The following LAMA2 variants were observed in gnomAD, a reference collection of about 807,000 sequenced individuals.
The protein encoded by LAMA2 is laminin subunit alpha 2.
LAMA2 carries 269 observed loss-of-function variants against 364.8 expected under a neutral mutation model. The ratio of observed to expected loss-of-function variants is 0.74; its 90% CI spans 0.67 to 0.82. The LOEUF (loss-of-function observed/expected upper bound fraction) is 0.82. LAMA2 is among the 40% of genes least tolerant of loss of function. The probability of loss-of-function intolerance (pLI) is 0.00; values close to 1 mark genes in which losing one functional copy is unlikely to be tolerated. For missense variants in LAMA2, 3,807 were observed against 3,873.2 expected (o/e 0.98, Z 0.45); for synonymous variants, 1,379 against 1,370.6 (o/e 1.01, Z -0.14).
chr6:128,977,163 C>A (rs903837423), intron 1 of LAMA2, among the ~76,000 whole-genome samples: 1 of 151,646 alleles, frequency 6.6e-6, no homozygotes, highest in Non-Finnish European at 1.5e-5. Context: ...TCTTTGCCAC[C>A]TCTTCTTAAT....
At chr6:129,114,501 T>A (rs188783590) in intron 4 of LAMA2, among the ~76,000 whole-genome samples, 2 of 152,192 alleles carry the variant, frequency 1.3e-5, no homozygotes, top group East Asian at 3.9e-4. Flanking sequence ...AAAAAGGATG[T>A]TTCTTGAGAT....
intron 1 of LAMA2, among the ~76,000 whole-genome samples, chr6:129,007,999 A>T (rs62428481): frequency 0.061 from 9,344 of 152,290 alleles, 388 homozygotes; most frequent in Non-Finnish European, 0.098. Flanking sequence ...TTTAAACCTA[A>T]TGAAATACAT....
intron 4 of LAMA2, among the ~76,000 whole-genome samples, chr6:129,140,264 A>G (rs1335818965): frequency 6.6e-6 from 1 of 152,130 alleles, no homozygotes; most frequent in African/African-American, 2.4e-5. Flanking sequence ...GTATGCTTAC[A>G]TTAGTAAATC....
chr6:128,902,819 C>T (rs570959225), intron 1 of LAMA2, among the ~76,000 whole-genome samples: 1 of 152,226 alleles, frequency 6.6e-6, no homozygotes, highest in African/African-American at 2.4e-5. Context: ...CTACCCAACA[C>T]CCAATGTTTT....
At chr6:129,219,601 G>C (rs1783662060) in intron 12 of LAMA2, among the ~76,000 whole-genome samples, 1 of 148,352 alleles carries the variant, frequency 6.7e-6, no homozygotes, top group African/African-American at 2.5e-5. Context: ...TGATAGACTG[G>C]ATTAAGAAAA....
chr6:129,079,229 C>T (rs1246649611), intron 3 of LAMA2, among the ~76,000 whole-genome samples: 1 of 152,116 alleles, frequency 6.6e-6, no homozygotes, highest in African/African-American at 2.4e-5. Flanking sequence ...GGAGAAGCTA[C>T]ATTCACATAA....
At chr6:129,050,425 G>T (rs1436210778) in intron 2 of LAMA2, among the ~76,000 whole-genome samples, 1 of 152,154 alleles carries the variant, frequency 6.6e-6, no homozygotes, top group Non-Finnish European at 1.5e-5. Context: ...CAGATATTGT[G>T]CCTGAGATCC....
Position 128,983,678 on chromosome 6 carries a change from T to C in LAMA2, c.113-66240T>C, listed in dbSNP as rs144871818. On this transcript the variant is annotated intron_variant, in intron 1 of 64. Transcript: ENST00000421865. ...GTGATAGAAATGTACTGATGGTCCC[T>C]GACATGGGTAACAGCTGCTTTAGAG... 2.3e-4 allele frequency among the ~76,000 whole-genome samples: 35 copies of C among 152,336 alleles called. No homozygotes were observed. In the East Asian group the frequency reaches 6.0e-3, roughly 26 times the overall value.
rs1439908483 is a variant in LAMA2 at position 129,369,955 on chromosome 6, A to G, written c.4924A>G (p.Thr1642Ala). The change falls in exon 34 of 65, where the codon ACA becomes GCA. Residue 1642 changes from threonine (T) to alanine (A), a missense_variant. By Grantham distance (58) the Thr-to-Ala change is moderately conservative. Coordinates refer to ENST00000421865, the MANE Select transcript of LAMA2 (RefSeq NM_000426.4). ...TCAGCTGGCAGAGGGCAATCTGAAT[A>G]CACTCGTGACCGAAATGAACGAGCT... is the stretch of plus-strand genomic sequence containing the variant. ...LIQLAEGNLN[T>A]LVTEMNELLT... 1 of 1,614,126 alleles carries G rather than the reference A, an allele frequency of 6.2e-7. No homozygotes were observed. Among genetic ancestry groups the G allele is most frequent in the South Asian group, 1.1e-5 (1 of 91,080 alleles).
intron 1 of LAMA2, among the ~76,000 whole-genome samples, chr6:128,938,537 C>G (rs1044492974): frequency 2.0e-5 from 3 of 152,106 alleles, no homozygotes; most frequent in Admixed American, 1.3e-4. Context: ...TTAAATCTAG[C>G]ACAAGGACCT....
Position 129,143,901 on chromosome 6 carries a change from A to T in LAMA2, c.640A>T (p.Ile214Phe). 6.3e-7 allele frequency: 1 copy of T among 1,587,984 alleles called. No homozygotes were observed. The highest frequency in any genetic ancestry group is 8.6e-7 in the Non-Finnish European group (1 of 1,156,902). ...SKIHPLENGE[I>F]HISLINGRPS... ...TTAAATTATTTTTCATATTGTGTAG[A>T]TTCACATCTCTTTAATCAATGGGAG... Residue 214 changes from isoleucine (I) to phenylalanine (F), a missense_variant and splice_region_variant, in exon 5 of 65, where the codon ATT becomes TTT. Ile to Phe is a conservative substitution (Grantham distance 21, BLOSUM62 0). Transcript: ENST00000421865.
Position 129,158,448 on chromosome 6 carries a change from A to G in LAMA2, c.1206+3765A>G, listed in dbSNP as rs144863905. 4.3e-4 allele frequency: 698 copies of G among 1,614,028 alleles called. 2 individuals carry two copies. In the African/African-American group the frequency reaches 7.5e-3, roughly 17 times the overall value. On this transcript the variant is annotated intron_variant, in intron 8 of 64. Coordinates refer to ENST00000421865, the MANE Select transcript of LAMA2 (RefSeq NM_000426.4). ...CTGTTTGGCAATAGTTCGCTGAACC[A>G]ATAAAGGTAGTCCAGACCCACTACC...
At chr6:129,005,938 G>A (rs897112193) in intron 1 of LAMA2, among the ~76,000 whole-genome samples, 1 of 151,452 alleles carries the variant, frequency 6.6e-6, no homozygotes, top group Non-Finnish European at 1.5e-5. Flanking sequence ...ATATTTTGAA[G>A]TTTTCTCTCT....
At chr6:129,175,115 C>T (rs1780489900) in intron 9 of LAMA2, among the ~76,000 whole-genome samples, 2 of 152,102 alleles carry the variant, frequency 1.3e-5, no homozygotes, top group Admixed American at 6.5e-5. Flanking sequence ...CTATTAGAAA[C>T]GAACTTACTA....
chr6:128,965,887 T>C (rs1163680585), intron 1 of LAMA2, among the ~76,000 whole-genome samples: 1 of 151,518 alleles, frequency 6.6e-6, no homozygotes, highest in Non-Finnish European at 1.5e-5. Flanking sequence ...CAATAAATTA[T>C]AACAATAAAA....
intron 4 of LAMA2, among the ~76,000 whole-genome samples, chr6:129,104,004 CCCTT>C (rs1163400685): frequency 2.6e-5 from 4 of 151,612 alleles, no homozygotes; most frequent in East Asian, 1.9e-4. Context: ...CTGCCTTCCT[CCCTT>C]CCTTCCTTCC....
At chr6:128,993,601 G>T (rs1783740266) in intron 1 of LAMA2, among the ~76,000 whole-genome samples, 1 of 152,058 alleles carries the variant, frequency 6.6e-6, no homozygotes, top group African/African-American at 2.4e-5. Flanking sequence ...GCATTTTTAT[G>T]GTTGACAGTC....
intron 1 of LAMA2, among the ~76,000 whole-genome samples, chr6:128,897,774 T>C (rs1195578721): frequency 1.3e-5 from 2 of 152,216 alleles, no homozygotes; most frequent in Admixed American, 1.3e-4. Context: ...GTAGAGAATA[T>C]CATCCAGTTG....
chr6:129,147,091 G>C (rs758299801), intron 6 of LAMA2, 43 bp downstream of exon 6: 1 of 1,237,392 alleles, frequency 8.1e-7, no homozygotes, highest in Admixed American at 1.7e-5. Flanking sequence ...GAAGCCCTGA[G>C]CTGTAAAATG....
Sources: gnomAD v4.1 joint callset for allele counts (sites outside exome capture counted in the v4.1 genomes callset) on GRCh38, gnomAD v4.1.1 for gene constraint, MANE v1.5 for transcripts, NCBI Gene and HGNC (gene_info 2026-07-23, HGNC 2026-07-21) for gene names.